The following COL4A2 variants were observed in gnomAD, a reference collection of about 807,000 sequenced individuals.
The protein encoded by COL4A2 is collagen type IV alpha 2 chain.
COL4A2 carries 99 observed loss-of-function variants against 200.2 expected under a neutral mutation model. The ratio of observed to expected loss-of-function variants is 0.49; its 90% CI spans 0.42 to 0.58. COL4A2 has a LOEUF of 0.58. COL4A2 is among the 20% of genes least tolerant of loss of function. COL4A2 has a pLI of 0.00. For missense variants in COL4A2, 1,950 were observed against 2,314.1 expected (o/e 0.84, Z 3.23); for synonymous variants, 897 against 900.6 (o/e 1.00, Z 0.07).
At chr13:110,435,713 G>C (rs1479172091) in intron 12 of COL4A2, among the ~76,000 whole-genome samples, 1 of 152,334 alleles carries the variant, frequency 6.6e-6, no homozygotes, top group African/African-American at 2.4e-5. Flanking sequence ...GTCCAGTAAT[G>C]TTCTAGATAG....
At chr13:110,425,101 A>G in intron 6 of COL4A2, 104 bp downstream of exon 6, 1 of 1,385,712 alleles carries the variant, frequency 7.2e-7, no homozygotes, top group South Asian at 1.2e-5. Flanking sequence ...TTTTTTGTTT[A>G]TGACATAAAA....
chr13:110,331,052 T>C (rs893665060), intron 3 of COL4A2, among the ~76,000 whole-genome samples: 4 of 146,514 alleles, frequency 2.7e-5, no homozygotes, highest in Admixed American at 1.4e-4. Flanking sequence ...ATTTTTTTCT[T>C]TCCATGCAGC....
chr13:110,421,713 G>A (rs1880258413), intron 4 of COL4A2, among the ~76,000 whole-genome samples: 1 of 152,194 alleles, frequency 6.6e-6, no homozygotes. Context: ...TTAGCTTTAT[G>A]CTATGTGAAT....
intron 7 of COL4A2, among the ~76,000 whole-genome samples, chr13:110,429,599 A>G (rs1346685016): frequency 3.3e-5 from 5 of 152,218 alleles, no homozygotes; most frequent in Admixed American, 2.6e-4. Context: ...GGCATACTAG[A>G]GGGTTGGTTG....
chr13:110,476,643 A>AGT (rs1369989945), intron 29 of COL4A2, among the ~76,000 whole-genome samples: 1 of 152,130 alleles, frequency 6.6e-6, no homozygotes, highest in Non-Finnish European at 1.5e-5. Flanking sequence ...AGGCTACGTG[A>AGT]GTGTGTGGAC....
Position 110,458,639 on chromosome 13 carries a change from T to G in COL4A2, c.1433-132T>G. 3 of 1,026,966 alleles carry G rather than the reference T, an allele frequency of 2.9e-6. 1 individual carries two copies. Among genetic ancestry groups the G allele is most frequent in the South Asian group, 3.1e-5 (2 of 65,198 alleles). 63.6% of individuals were successfully genotyped at this position (1,026,966 alleles called of 1,614,324 possible). ...CCCATCTAAGAAATGGGGGTCATAG[T>G]GCCCATCAGAACAGGCAGTGTCCAT... On this transcript the variant is annotated intron_variant, in intron 21 of 47. Coordinates refer to ENST00000360467, the MANE Select transcript of COL4A2 (RefSeq NM_001846.4).
Position 110,307,586 on chromosome 13 carries a change from G to T in COL4A2, c.-45+58G>T, listed in dbSNP as rs1884814221. Reference sequence around the variant, plus strand: ...TGGCCCGAGAGCACCGACTTGGAGCGCCTTGTGCAGGCTAGGGCTGCACGC... The same window carrying T: ...TGGCCCGAGAGCACCGACTTGGAGCTCCTTGTGCAGGCTAGGGCTGCACGC... On this transcript the variant is annotated intron_variant, in intron 1 of 47. Transcript: ENST00000360467. The surrounding 1 kb of genome is among the most constrained non-coding windows in gnomAD (Gnocchi z 5.0). 5 of 386,180 alleles carry T rather than the reference G, an allele frequency of 1.3e-5. No individual in the cohort carries two copies. In the East Asian group the frequency reaches 2.0e-4, roughly 15 times the overall value. The allele number at this position is 386,180 out of a possible 1,614,324, so 23.9% of individuals were successfully genotyped here.
intron 21 of COL4A2, chr13:110,457,816 C>T (rs1188008724): frequency 2.1e-6 from 1 of 475,008 alleles, no homozygotes; most frequent in African/African-American, 2.0e-5. Flanking sequence ...CTGTAGAGAG[C>T]TCTGTCCATA....
At chr13:110,445,721 A>G in intron 16 of COL4A2, 108 bp from the exon 17 acceptor site, 2 of 1,389,618 alleles carry the variant, frequency 1.4e-6, no homozygotes, top group South Asian at 2.4e-5. Context: ...TTAATACATG[A>G]CTTTAATAAA....
At chr13:110,403,327 A>T (rs1879443595) in intron 4 of COL4A2, among the ~76,000 whole-genome samples, 1 of 152,214 alleles carries the variant, frequency 6.6e-6, no homozygotes, top group Non-Finnish European at 1.5e-5. Flanking sequence ...TAGGCAGTCA[A>T]GAAAAGTCAT....
chr13:110,397,476 A>G (rs918891196), intron 4 of COL4A2, among the ~76,000 whole-genome samples: 2 of 152,206 alleles, frequency 1.3e-5, no homozygotes, highest in Non-Finnish European at 2.9e-5. Context: ...TGATGGATGC[A>G]CATTTTTCCA....
Position 110,308,067 on chromosome 13 carries a change from A to T in COL4A2, c.45-2A>T. 1 of 1,613,778 alleles carries T rather than the reference A, an allele frequency of 6.2e-7. No homozygotes were observed. Among genetic ancestry groups the T allele is most frequent in the Non-Finnish European group, 8.5e-7 (1 of 1,179,946 alleles). Reference sequence around the variant, plus strand: ...GTCTCTCTTCCTCCCTTTCCCATGCAGGTGGCTGCTGCTGGGGACAGTGAC... The same window carrying T: ...GTCTCTCTTCCTCCCTTTCCCATGCTGGTGGCTGCTGCTGGGGACAGTGAC... On this transcript the variant is annotated splice_acceptor_variant, in intron 2 of 47. Coordinates refer to ENST00000360467, the MANE Select transcript of COL4A2 (RefSeq NM_001846.4). LOFTEE classifies it high-confidence loss of function.
At chr13:110,356,014 A>T (rs1877247949) in intron 3 of COL4A2, among the ~76,000 whole-genome samples, 1 of 152,074 alleles carries the variant, frequency 6.6e-6, no homozygotes, top group African/African-American at 2.4e-5. Context: ...GGGAGAAAAG[A>T]GGGTCACTCT....
At chr13:110,415,560 T>C (rs1880007896) in intron 4 of COL4A2, among the ~76,000 whole-genome samples, 1 of 152,202 alleles carries the variant, frequency 6.6e-6, no homozygotes, top group African/African-American at 2.4e-5. Context: ...ACTTGGCCAA[T>C]GTGGTGTGTG....
At chr13:110,319,257 C>A (rs1172719441) in intron 3 of COL4A2, among the ~76,000 whole-genome samples, 2 of 151,984 alleles carry the variant, frequency 1.3e-5, no homozygotes, top group Non-Finnish European at 2.9e-5. Flanking sequence ...TTTCCATTTT[C>A]CTTAAGTTTA....
At chr13:110,416,056 A>G (rs1454221249) in intron 4 of COL4A2, among the ~76,000 whole-genome samples, 1 of 152,246 alleles carries the variant, frequency 6.6e-6, no homozygotes, top group Non-Finnish European at 1.5e-5. Flanking sequence ...ATTGCCAATC[A>G]TCGTGTGATC....
intron 14 of COL4A2, 177 bp from the exon 15 acceptor site, chr13:110,438,441 C>T (rs1490804707): frequency 2.4e-6 from 2 of 826,548 alleles, no homozygotes; most frequent in African/African-American, 1.7e-5. Context: ...CCCGGGAAGG[C>T]TGGCGGGTCT....
chr13:110,424,407 T>A (rs1322694739), intron 4 of COL4A2, among the ~76,000 whole-genome samples: 3 of 74,438 alleles, frequency 4.0e-5, no homozygotes, highest in African/African-American at 1.3e-4. Flanking sequence ...AGAAATTCAT[T>A]TGGAAAATTT....
intron 39 of COL4A2, among the ~76,000 whole-genome samples, chr13:110,494,609 C>A (rs928213262): frequency 6.6e-6 from 1 of 151,350 alleles, no homozygotes; most frequent in Admixed American, 6.6e-5. Flanking sequence ...GAGGCTGAGG[C>A]AGAAGAATGG....
Sources: gnomAD v4.1 joint callset for allele counts (sites outside exome capture counted in the v4.1 genomes callset) on GRCh38, gnomAD v4.1.1 for gene constraint, Gnocchi (gnomAD v3.1) non-coding constraint, MANE v1.5 for transcripts, NCBI Gene and HGNC (gene_info 2026-07-23, HGNC 2026-07-21) for gene names.